SPECC1L: variants seen among roughly 807,000 people sequenced by gnomAD.
SPECC1L encodes the protein cytospin-A.
Under a neutral mutation model 116.8 loss-of-function variants are expected in SPECC1L, and 40 were observed. The ratio of observed to expected loss-of-function variants is 0.34; its 90% CI spans 0.27 to 0.45. The LOEUF (loss-of-function observed/expected upper bound fraction) is 0.45. Ranked by LOEUF, SPECC1L falls within the 20% of genes least tolerant of loss-of-function variation. The pLI is 1.00. For missense variants in SPECC1L, 1,110 were observed against 1,373.6 expected (o/e 0.81, Z 3.03); for synonymous variants, 504 against 500.6 (o/e 1.01, Z -0.09).
intron 11 of SPECC1L, 28 bp from the exon 12 acceptor site, chr22:24,363,233 T>C (rs200943957): frequency 3.2e-5 from 51 of 1,593,374 alleles, no homozygotes; most frequent in South Asian, 8.8e-5. Context: ...TCAGATTTCT[T>C]TATTGGGATT....
chr22:24,271,176 G>C (rs2048719247), intron 1 of SPECC1L, among the ~76,000 whole-genome samples, 193 bp downstream of exon 1: 1 of 152,236 alleles, frequency 6.6e-6, no homozygotes, highest in South Asian at 2.1e-4. Context: ...CTCGTTCTGG[G>C]CTTCGGGGCT....
chr22:24,344,802 T>C (rs932753278), intron 10 of SPECC1L, among the ~76,000 whole-genome samples: 1 of 152,144 alleles, frequency 6.6e-6, no homozygotes, highest in Non-Finnish European at 1.5e-5. Flanking sequence ...AATTGGAGAT[T>C]GAAATACTTA....
Position 24,274,001 on chromosome 22 carries a change from G to A in SPECC1L, c.-141-2699G>A, listed in dbSNP as rs183912511. On this transcript the variant is annotated intron_variant, in intron 1 of 16. Transcript: ENST00000314328. ...TGGAACTCCCGACCTCAGGTGATCCGCCTGCCTTGGCCTCCCAAAGTGCTG... is the reference window on the plus strand; with the variant it reads ...TGGAACTCCCGACCTCAGGTGATCCACCTGCCTTGGCCTCCCAAAGTGCTG... Among the ~76,000 whole-genome samples, 615 of 152,274 alleles carry A rather than the reference G, an allele frequency of 4.0e-3. 6 individuals carry two copies. The highest frequency in any genetic ancestry group is 0.014 in the African/African-American group (574 of 41,572).
chr22:24,404,854 G>A (rs979143762), intron 14 of SPECC1L, among the ~76,000 whole-genome samples: 1 of 152,158 alleles, frequency 6.6e-6, no homozygotes, highest in South Asian at 2.1e-4. Context: ...CCATCCCCAG[G>A]CCCTCTGCCC....
At chr22:24,356,301 T>C (rs970497187) in intron 11 of SPECC1L, among the ~76,000 whole-genome samples, 3 of 152,330 alleles carry the variant, frequency 2.0e-5, no homozygotes, top group South Asian at 2.1e-4. Flanking sequence ...TGGATTTCTA[T>C]TTCTCCTTTT....
chr22:24,343,409 A>T, intron 10 of SPECC1L: 1 of 429,206 alleles, frequency 2.3e-6, no homozygotes, highest in South Asian at 1.7e-5. Flanking sequence ...ACAGACTTCT[A>T]GTTAGAAACT....
intron 14 of SPECC1L, 51 bp downstream of exon 14, chr22:24,369,371 T>C: frequency 7.6e-7 from 1 of 1,318,976 alleles, no homozygotes; most frequent in Non-Finnish European, 1.1e-6. Flanking sequence ...AACCAACTGC[T>C]GGAGTGTCGT....
At chr22:24,355,532 G>GT (rs1348764649) in intron 11 of SPECC1L, among the ~76,000 whole-genome samples, 3 of 151,974 alleles carry the variant, frequency 2.0e-5, no homozygotes, top group African/African-American at 7.3e-5. Context: ...ATCAAAAACT[G>GT]TAAGTTTATA....
chr22:24,352,624 T>C (rs1199002597), intron 11 of SPECC1L, among the ~76,000 whole-genome samples: 10 of 152,214 alleles, frequency 6.6e-5, no homozygotes, highest in Non-Finnish European at 1.5e-5. Flanking sequence ...TTAAAAACTT[T>C]CACAGAATTT....
chr22:24,298,430 C>T (rs551536275), intron 2 of SPECC1L, among the ~76,000 whole-genome samples: 4 of 152,240 alleles, frequency 2.6e-5, no homozygotes, highest in African/African-American at 7.2e-5. Flanking sequence ...ATATCCCCCT[C>T]GGATAAAGGG....
At chr22:24,301,734 T>G (rs1030417999) in intron 2 of SPECC1L, among the ~76,000 whole-genome samples, 1 of 152,104 alleles carries the variant, frequency 6.6e-6, no homozygotes, top group African/African-American at 2.4e-5. Flanking sequence ...TGTATTGTTT[T>G]CAAGGTTCAC....
chr22:24,356,768 A>G (rs2042774939), intron 11 of SPECC1L, among the ~76,000 whole-genome samples: 1 of 151,956 alleles, frequency 6.6e-6, no homozygotes, highest in South Asian at 2.1e-4. Flanking sequence ...TCCATTGACC[A>G]TTTGTTATTA....
At position 24,328,927 on chromosome 22, in the gene SPECC1L, A is replaced by G; in HGVS notation, c.2220+8A>G. 1 of 1,604,098 alleles carries G rather than the reference A, an allele frequency of 6.2e-7. No individual in the cohort carries two copies. On this transcript the variant is annotated splice_region_variant and intron_variant, in intron 7 of 16. Transcript: ENST00000314328. ...CTCCACAGAAGACTTCGGGTAGGAT[A>G]AATCTTCATGTATTGTCTTGTTAGA...
chr22:24,408,535 G>T (rs1169506441), intron 14 of SPECC1L, among the ~76,000 whole-genome samples: 2 of 152,226 alleles, frequency 1.3e-5, no homozygotes, highest in African/African-American at 4.8e-5. Context: ...ACACATTTAG[G>T]TAGCCAGGTC....
intron 13 of SPECC1L, among the ~76,000 whole-genome samples, chr22:24,368,793 C>T (rs2041820310): frequency 6.6e-6 from 1 of 152,152 alleles, no homozygotes; most frequent in African/African-American, 2.4e-5. Flanking sequence ...ATTACAGACA[C>T]CCGCCACCAT....
At chr22:24,411,228 G>T (rs2042691712) in intron 14 of SPECC1L, among the ~76,000 whole-genome samples, 2 of 151,608 alleles carry the variant, frequency 1.3e-5, no homozygotes, top group African/African-American at 2.4e-5. Context: ...AAAAAGGGGG[G>T]GTCATTGATT....
At chr22:24,279,301 G>T (rs2048896438) in intron 2 of SPECC1L, among the ~76,000 whole-genome samples, 1 of 152,198 alleles carries the variant, frequency 6.6e-6, no homozygotes, top group Non-Finnish European at 1.5e-5. Flanking sequence ...CAACCTGGTT[G>T]CGCCTGTGCT....
At chr22:24,410,351 C>A (rs150311703) in intron 14 of SPECC1L, among the ~76,000 whole-genome samples, 4 of 152,326 alleles carry the variant, frequency 2.6e-5, no homozygotes, top group Admixed American at 6.5e-5. Flanking sequence ...TTTTGATGGA[C>A]TGCAAGTCTT....
chr22:24,333,995 A>T (rs951770487), intron 8 of SPECC1L, among the ~76,000 whole-genome samples: 1 of 151,844 alleles, frequency 6.6e-6, no homozygotes, highest in Non-Finnish European at 1.5e-5. Flanking sequence ...CAATTTTTTT[A>T]AACTGATAGT....
Sources: allele counts gnomAD v4.1 joint callset (sites outside exome capture counted in the v4.1 genomes callset), GRCh38; gene constraint gnomAD v4.1.1; transcripts MANE v1.5; gene names NCBI Gene and HGNC (gene_info 2026-07-23, HGNC 2026-07-21).